TRAPPC10: variants seen among roughly 807,000 people sequenced by gnomAD.
The protein encoded by TRAPPC10 is trafficking protein particle complex subunit 10, also known as TRAPP 130 kDa subunit.
TRAPPC10 carries 23 observed loss-of-function variants against 125.5 expected under a neutral mutation model. The ratio of observed to expected loss-of-function variants is 0.18; its 90% CI spans 0.13 to 0.26. TRAPPC10 has a LOEUF of 0.26. TRAPPC10 is among the 10% of genes least tolerant of loss of function. The pLI, the probability that TRAPPC10 is intolerant of heterozygous loss-of-function variation, is 1.00. For missense variants in TRAPPC10, 1,123 were observed against 1,308.4 expected (o/e 0.86, Z 2.19); for synonymous variants, 509 against 518.0 (o/e 0.98, Z 0.24).
intron 2 of TRAPPC10, among the ~76,000 whole-genome samples, chr21:44,032,463 A>G (rs1041916900): frequency 9.4e-5 from 14 of 148,952 alleles, no homozygotes; most frequent in African/African-American, 3.2e-4. Context: ...GCTCACTGCA[A>G]CCTCCACCTC....
At chr21:44,046,941 G>A (rs933478806) in intron 3 of TRAPPC10, 15 of 830,114 alleles carry the variant, frequency 1.8e-5, no homozygotes, top group South Asian at 1.1e-4. Flanking sequence ...TTCAGGTGTC[G>A]ATGAATATGG....
chr21:44,018,138 ATTTTCT>A (rs1368526037), intron 1 of TRAPPC10, among the ~76,000 whole-genome samples: 2 of 131,356 alleles, frequency 1.5e-5, no homozygotes, highest in African/African-American at 7.9e-5. Context: ...GAAAGGTCTG[ATTTTCT>A]TTTTTTTTTT....
chr21:44,078,809 C>G (rs970476446), intron 11 of TRAPPC10, among the ~76,000 whole-genome samples: 1 of 152,136 alleles, frequency 6.6e-6, no homozygotes, highest in African/African-American at 2.4e-5. Context: ...CAGGCAAGGC[C>G]GCACACACCA....
At position 44,076,577 on chromosome 21, in the gene TRAPPC10, G is replaced by A; in HGVS notation, c.1326G>A (p.Lys442=). ...CCAACACAGCTCAGAGTCCTTATAA[G>A]AAACTGAAAGAAGCATTATCGTCAG... ...ETANTAQSPY[K]KLKEALSSVE... The change falls in exon 10 of 23, where the codon AAG becomes AAA. Residue 442 remains lysine, a synonymous_variant. Coordinates refer to ENST00000291574, the MANE Select transcript of TRAPPC10 (RefSeq NM_003274.5). 6.2e-7 allele frequency: 1 copy of A among 1,614,114 alleles called. No individual in the cohort carries two copies. The highest frequency in any genetic ancestry group is 8.5e-7 in the Non-Finnish European group (1 of 1,179,978).
chr21:44,022,483 C>T (rs1430972004), intron 1 of TRAPPC10, among the ~76,000 whole-genome samples: 1 of 92,790 alleles, frequency 1.1e-5, no homozygotes, highest in Non-Finnish European at 1.9e-5. Flanking sequence ...TTTACAAAGA[C>T]GGGGTTTGTT....
chr21:44,055,854 T>C lies in TRAPPC10; in HGVS notation c.639T>C (p.Thr213=). The change falls in exon 5 of 23, where the codon ACT becomes ACC. Residue 213 remains threonine (T), a synonymous_variant. Coordinates refer to ENST00000291574, the MANE Select transcript of TRAPPC10 (RefSeq NM_003274.5). ...TGAGAACCTTGAGGGAGAAGAGGAC[T>C]GAGCCAGGCTGGAGCTTTTGTGAAT... is the stretch of plus-strand genomic sequence containing the variant. ...DDMRTLREKR[T]EPGWSFCEYF... The C allele has an allele frequency of 6.2e-7, 1 of 1,610,720 alleles. No homozygotes were observed. Among genetic ancestry groups the C allele is most frequent in the Middle Eastern group, 1.7e-4 (1 of 6,056 alleles).
At chr21:44,054,371 T>A (rs1384634870) in intron 4 of TRAPPC10, among the ~76,000 whole-genome samples, 1 of 152,230 alleles carries the variant, frequency 6.6e-6, no homozygotes, top group Non-Finnish European at 1.5e-5. Flanking sequence ...CACTGATTTA[T>A]AATTCCATGA....
intron 7 of TRAPPC10, among the ~76,000 whole-genome samples, chr21:44,073,022 C>T (rs531727781): frequency 3.2e-4 from 48 of 152,308 alleles, no homozygotes; most frequent in African/African-American, 8.4e-4. Flanking sequence ...CCTGCTGCCC[C>T]GCTTTTCTGT....
intron 3 of TRAPPC10, among the ~76,000 whole-genome samples, chr21:44,043,125 A>G (rs746473539): frequency 4.0e-5 from 6 of 151,036 alleles, no homozygotes; most frequent in Non-Finnish European, 8.8e-5. Flanking sequence ...TTAAACCAAC[A>G]TCCTGTATGC....
chr21:44,082,656 C>T lies in TRAPPC10; in HGVS notation c.1724-132C>T. 1.0e-6 allele frequency: 1 copy of T among 986,462 alleles called. No homozygotes were observed. The highest frequency in any genetic ancestry group is 1.5e-6 in the Non-Finnish European group (1 of 652,980). The allele number at this position is 986,462 out of a possible 1,614,324, so 61.1% of individuals were successfully genotyped here. On this transcript the variant is annotated intron_variant, in intron 13 of 22. Transcript: ENST00000291574. This position sits in a 1 kb window ranked among gnomAD's most constrained non-coding sequence, Gnocchi z 4.4. The stretch of plus-strand genomic sequence containing the variant: ...GGTGTGAAGATGGCAGGAGGCTGGG[C>T]TCAGCTGCTGTGCCCATCACTGCTG...
In TRAPPC10 at chr21:44,091,534, G is replaced by A. The variant is rs151276722; in HGVS notation, c.2871-389G>A. Among the ~76,000 whole-genome samples the A allele has an allele frequency of 3.7e-3, 556 of 152,266 alleles. 2 individuals carry two copies. Among genetic ancestry groups the A allele is most frequent in the African/African-American group, 0.011 (469 of 41,556 alleles). ...AGCTCACTGCAACCTCCACCTCCCAGGTTCAAGCAATGCTCGTGCCTCAGC... is the reference window on the plus strand; with the variant it reads ...AGCTCACTGCAACCTCCACCTCCCAAGTTCAAGCAATGCTCGTGCCTCAGC... On this transcript the variant is annotated intron_variant, in intron 18 of 22. Coordinates refer to ENST00000291574, the MANE Select transcript of TRAPPC10 (RefSeq NM_003274.5).
chr21:44,059,029 ATGGCTACATAC>A lies in TRAPPC10; in HGVS notation c.679-71_679-61del. The A allele has an allele frequency of 1.9e-6, 2 of 1,059,048 alleles. No homozygotes were observed. The highest frequency in any genetic ancestry group is 2.6e-6 in the Non-Finnish European group (2 of 765,784). 65.6% of individuals were successfully genotyped at this position (1,059,048 alleles called of 1,614,324 possible). On this transcript the variant is annotated intron_variant, in intron 5 of 22. Coordinates refer to ENST00000291574, the MANE Select transcript of TRAPPC10 (RefSeq NM_003274.5). The surrounding 1 kb of genome is among the most constrained non-coding windows in gnomAD (Gnocchi z 4.4). ...GCTGCGTGCCTTTCTCTGTCGTTTA[ATGGCTACATAC>A]TGTTTCTTCTATACATTGATTTATG... is the stretch of plus-strand genomic sequence containing the variant.
intron 11 of TRAPPC10, among the ~76,000 whole-genome samples, chr21:44,078,466 G>A (rs2037444613): frequency 6.7e-6 from 1 of 149,120 alleles, no homozygotes; most frequent in Non-Finnish European, 1.5e-5. Context: ...AAAAGTGATT[G>A]AAATGAGATC....
At chr21:44,076,438 A>G (rs1288734575) in intron 9 of TRAPPC10, 114 bp from the exon 10 acceptor site, 4 of 759,936 alleles carry the variant, frequency 5.3e-6, no homozygotes, top group Non-Finnish European at 6.7e-6. Context: ...GCCGGTTTGT[A>G]ATTTCACAAG....
intron 3 of TRAPPC10, among the ~76,000 whole-genome samples, chr21:44,049,521 G>T (rs1385755832): frequency 6.6e-6 from 1 of 152,162 alleles, no homozygotes. Context: ...GACTTAAATT[G>T]AATAAAAAGG....
intron 1 of TRAPPC10, among the ~76,000 whole-genome samples, chr21:44,029,341 A>G (rs1241409679): frequency 6.6e-6 from 1 of 152,072 alleles, no homozygotes; most frequent in African/African-American, 2.4e-5. Flanking sequence ...TGATCCACCC[A>G]CCTCGGCCTC....
In TRAPPC10 at chr21:44,089,909, A is replaced by T; in HGVS notation, c.2846A>T (p.His949Leu). Reference sequence around the variant, plus strand: ...TTCAGCGTACCCTTCAGGACCACACACAGCCTCCTGTCCTCAGGAACACGG... The same window carrying T: ...TTCAGCGTACCCTTCAGGACCACACTCAGCCTCCTGTCCTCAGGAACACGG... ...LTFSVPFRTT[H>L]SLLSSGTRKY... Residue 949 changes from histidine (H) to leucine (L), a missense_variant, in exon 18 of 23, where the codon CAC (histidine) becomes CTC (leucine). Physicochemically the swap from His to Leu is moderately conservative, Grantham distance 99 (BLOSUM62 -3). Around this residue, in one of 4 missense-constraint regions of TRAPPC10, gnomAD observed 840 missense variants for 902.0 expected, o/e 0.93. Coordinates refer to ENST00000291574, the MANE Select transcript of TRAPPC10 (RefSeq NM_003274.5). The T allele has an allele frequency of 6.2e-7, 1 of 1,613,832 alleles. No homozygotes were observed. The highest frequency in any genetic ancestry group is 2.2e-5 in the East Asian group (1 of 44,876).
intron 3 of TRAPPC10, among the ~76,000 whole-genome samples, chr21:44,040,371 C>A (rs1473420293): frequency 6.6e-6 from 1 of 151,188 alleles, no homozygotes; most frequent in Non-Finnish European, 1.5e-5. Context: ...AAGACAAGGT[C>A]TTATTCTGTC....
At chr21:44,073,823 G>A (rs961311778) in intron 7 of TRAPPC10, among the ~76,000 whole-genome samples, 1 of 152,090 alleles carries the variant, frequency 6.6e-6, no homozygotes. Flanking sequence ...ATTTCTACTC[G>A]GTATTCAGTT....
Sources: allele counts gnomAD v4.1 joint callset (sites outside exome capture counted in the v4.1 genomes callset), GRCh38; gene constraint gnomAD v4.1.1; regional missense constraint gnomAD v4.1.1; non-coding constraint Gnocchi (gnomAD v3.1); transcripts MANE v1.5; gene names NCBI Gene and HGNC (gene_info 2026-07-23, HGNC 2026-07-21).